The following DLGAP2 variants were observed in gnomAD, a reference collection of about 807,000 sequenced individuals.
The protein encoded by DLGAP2 is disks large-associated protein 2.
DLGAP2 carries 26 observed loss-of-function variants against 100.3 expected under a neutral mutation model. The observed-to-expected ratio is 0.26, with a 90% confidence interval of 0.19 to 0.36. DLGAP2 has a LOEUF of 0.36. DLGAP2 is among the 10% of genes least tolerant of loss of function. The pLI is 1.00. For synonymous variants in DLGAP2, 886 were observed against 630.1 expected (o/e 1.41, Z -6.08); for missense variants, 1,858 against 1,453.2 (o/e 1.28, Z -4.53).
chr8:1,626,694 A>C (rs1015883380), intron 6 of DLGAP2, 46 bp from the exon 7 acceptor site: 2 of 1,556,598 alleles, frequency 1.3e-6, no homozygotes, highest in African/African-American at 1.4e-5. Flanking sequence ...TCTGCCCTGC[A>C]GCGGGTGCTC....
intron 13 of DLGAP2, among the ~76,000 whole-genome samples, chr8:1,695,369 G>C: frequency 7.0e-6 from 1 of 142,370 alleles, no homozygotes; most frequent in African/African-American, 2.9e-5. Flanking sequence ...AGCCATGCCC[G>C]GCCCTACAGA....
At chr8:1,391,887 G>GT (rs1796365980) in intron 3 of DLGAP2, among the ~76,000 whole-genome samples, 1 of 152,232 alleles carries the variant, frequency 6.6e-6, no homozygotes, top group South Asian at 2.1e-4. Flanking sequence ...CTGAACGCTT[G>GT]TGCGTCCACC....
At chr8:1,271,800 T>C (rs897371905) in intron 3 of DLGAP2, among the ~76,000 whole-genome samples, 5 of 152,172 alleles carry the variant, frequency 3.3e-5, no homozygotes, top group African/African-American at 1.2e-4. Flanking sequence ...GATTTCTTTT[T>C]AATTTTTATT....
chr8:1,313,225 G>A (rs10091655), intron 3 of DLGAP2, among the ~76,000 whole-genome samples: 24,108 of 152,218 alleles, frequency 0.16, 2,143 homozygotes, highest in Admixed American at 0.17. Context: ...AAAGAGGGGT[G>A]CAGCGTTTCT....
intron 8 of DLGAP2, among the ~76,000 whole-genome samples, chr8:1,644,642 T>C (rs2130800606): frequency 6.6e-6 from 1 of 152,354 alleles, no homozygotes. Context: ...GCACATTTAC[T>C]GAAACAAACA....
intron 2 of DLGAP2, among the ~76,000 whole-genome samples, chr8:1,076,946 C>G (rs2701932): frequency 0.29 from 39,501 of 136,284 alleles, 6,468 homozygotes; most frequent in Admixed American, 0.35. Flanking sequence ...CTGTCCCGGG[C>G]CCCCCAAGAC....
At chr8:1,537,437 C>G (rs946926525) in intron 4 of DLGAP2, among the ~76,000 whole-genome samples, 16 of 152,080 alleles carry the variant, frequency 1.1e-4, no homozygotes, top group African/African-American at 3.9e-4. Context: ...ATCTGCCAAA[C>G]CCTTCCCTGA....
intron 2 of DLGAP2, among the ~76,000 whole-genome samples, chr8:1,243,758 CTG>C (rs1798847580): frequency 6.6e-6 from 1 of 152,178 alleles, no homozygotes; most frequent in South Asian, 2.1e-4. Flanking sequence ...CTCGCCTCTG[CTG>C]TCTCTTCTCT....
At chr8:1,641,978 T>G (rs62483076) in intron 8 of DLGAP2, among the ~76,000 whole-genome samples, 3 of 30,400 alleles carry the variant, frequency 9.9e-5, no homozygotes, top group African/African-American at 7.6e-4. Flanking sequence ...ACCCCGCCGG[T>G]CCCCACCTGT....
chr8:1,197,903 G>C (rs1462766799), intron 2 of DLGAP2, among the ~76,000 whole-genome samples: 5 of 152,198 alleles, frequency 3.3e-5, no homozygotes, highest in Non-Finnish European at 7.3e-5. Context: ...CATGGGGAAT[G>C]AGTGGAATCA....
At chr8:1,188,041 C>G (rs1163844186) in intron 2 of DLGAP2, among the ~76,000 whole-genome samples, 2 of 129,546 alleles carry the variant, frequency 1.5e-5, no homozygotes, top group Admixed American at 7.2e-5. Context: ...TGATGTTTCC[C>G]TCACGGAATC....
At chr8:1,330,966 T>A (rs1801144620) in intron 3 of DLGAP2, among the ~76,000 whole-genome samples, 1 of 149,982 alleles carries the variant, frequency 6.7e-6, no homozygotes, top group Admixed American at 6.6e-5. Context: ...GAGCGCCACT[T>A]CACCGGGACT....
At position 1,012,707 on chromosome 8, in the gene DLGAP2, G is replaced by A. The variant is rs1396361043; in HGVS notation, c.73+104741G>A. 1.2e-4 allele frequency among the ~76,000 whole-genome samples: 15 copies of A among 121,416 alleles called. No homozygotes were observed. The Admixed American group carries it at 1.3e-3, about 10-fold the overall frequency. The allele number at this position is 121,416 out of a possible 152,430, so 79.7% of individuals were successfully genotyped here. A position where few individuals can be genotyped will look rare whatever the true frequency, so the allele number is the denominator to read the frequency against. The stretch of plus-strand genomic sequence containing the variant: ...TCCGACCAGTCCCCCCTACTTCAGC[G>A]GCAGTGTGGACACCGTCCGACCGGC... On this transcript the variant is annotated intron_variant, in intron 2 of 14. Transcript: ENST00000637795.
intron 2 of DLGAP2, among the ~76,000 whole-genome samples, chr8:1,163,673 A>G (rs959689901): frequency 6.6e-6 from 1 of 152,176 alleles, no homozygotes; most frequent in African/African-American, 2.4e-5. Context: ...GGGGATCGAG[A>G]AAACGCTTCA....
chr8:1,345,954 G>T (rs1293813703), intron 3 of DLGAP2, among the ~76,000 whole-genome samples: 1 of 152,180 alleles, frequency 6.6e-6, no homozygotes, highest in Non-Finnish European at 1.5e-5. Flanking sequence ...CTTAACTTCC[G>T]AGCCCTTGAG....
chr8:1,459,648 C>G (rs916925797), intron 3 of DLGAP2, among the ~76,000 whole-genome samples: 1 of 151,802 alleles, frequency 6.6e-6, no homozygotes, highest in Non-Finnish European at 1.5e-5. Flanking sequence ...CAGGATCATC[C>G]AGCACCCTCT....
intron 1 of DLGAP2, among the ~76,000 whole-genome samples, chr8:767,729 G>A (rs192908883): frequency 6.6e-6 from 1 of 152,162 alleles, no homozygotes; most frequent in Non-Finnish European, 1.5e-5. Flanking sequence ...TTCTACGGAG[G>A]TAGTGAGAAT....
chr8:1,314,083 T>C (rs1249000008), intron 3 of DLGAP2, among the ~76,000 whole-genome samples: 1 of 152,268 alleles, frequency 6.6e-6, no homozygotes, highest in Non-Finnish European at 1.5e-5. Flanking sequence ...AATGAGTTAC[T>C]GCTGACTTAA....
At chr8:1,595,259 G>A (rs966316710) in intron 6 of DLGAP2, among the ~76,000 whole-genome samples, 7 of 151,510 alleles carry the variant, frequency 4.6e-5, no homozygotes, top group East Asian at 1.9e-4. Context: ...CAGGTTTTAC[G>A]GGCTTTTTTT....
Sources: gnomAD v4.1 joint callset for allele counts (sites outside exome capture counted in the v4.1 genomes callset) on GRCh38, gnomAD v4.1.1 for gene constraint, MANE v1.5 for transcripts, NCBI Gene and HGNC (gene_info 2026-07-23, HGNC 2026-07-21) for gene names.